Variants in HK1 observed in about 807,000 individuals in gnomAD.
HK1 encodes hexokinase 1.
In HK1, 28 loss-of-function variants were observed where a neutral mutation model predicts 91.6. The ratio of observed to expected loss-of-function variants is 0.31; its 90% CI spans 0.23 to 0.42. The LOEUF (loss-of-function observed/expected upper bound fraction) is 0.42. Ranked by LOEUF, HK1 falls within the 10% of genes least tolerant of loss-of-function variation. HK1 has a pLI of 1.00. For synonymous variants in HK1, 430 were observed against 468.1 expected, an observed-to-expected ratio of 0.92 and a Z score of 1.05; for missense variants, 770 against 1,219.8, an observed-to-expected ratio of 0.63 and a Z score of 5.49.
Position 69,386,374 on chromosome 10 carries a change from C to T in HK1, c.1891C>T (p.His631Tyr). ...KGFKATDCVG[H>Y]DVVTLLRDAI... The stretch of plus-strand genomic sequence containing the variant: ...TTTTAAGGCAACAGACTGCGTGGGC[C>T]ACGATGTAGTCACCTTACTAAGGGA... The change falls in exon 13 of 18, where the codon CAC becomes TAC. Residue 631 changes from histidine to tyrosine, a missense_variant. This residue lies in a region of HK1 where 152 missense variants were observed against 211.1 expected (regional missense o/e 0.72). Coordinates refer to ENST00000359426, the MANE Select transcript of HK1 (RefSeq NM_000188.3). 1 of 1,613,940 alleles carries T rather than the reference C, an allele frequency of 6.2e-7. No individual in the cohort carries two copies. Among genetic ancestry groups the T allele is most frequent in the Non-Finnish European group, 8.5e-7 (1 of 1,179,882 alleles).
Position 69,380,043 on chromosome 10 carries a change from A to G in HK1, c.1213A>G (p.Arg405Gly). Residue 405 changes from arginine (R) to glycine (G), a missense_variant, in exon 9 of 18, where the codon AGG becomes GGG. Coordinates refer to ENST00000359426, the MANE Select transcript of HK1 (RefSeq NM_000188.3). This position sits in a 1 kb window ranked among gnomAD's most constrained non-coding sequence, Gnocchi z 4.0. ...CCTGCGTGATAACAAGGGCACACCC[A>G]GGCTGCGGACCACGGTTGGTGTCGA... The part of the protein sequence containing the change: ...NRLRDNKGTP[R>G]LRTTVGVDGS... 6.2e-7 allele frequency: 1 copy of G among 1,614,128 alleles called. No individual in the cohort carries two copies. The highest frequency in any genetic ancestry group is 8.5e-7 in the Non-Finnish European group (1 of 1,179,990).
At chr10:69,314,530 AT>A (rs1227650185), upstream of HK1, among the ~76,000 whole-genome samples, 2 of 152,088 alleles carry the variant, frequency 1.3e-5, no homozygotes, top group Non-Finnish European at 2.9e-5. Context: ...ACTGGTCTTA[AT>A]TTTCGTTTTT....
At chr10:69,283,376 C>A (rs915602536) in intron 2 of HK1, among the ~76,000 whole-genome samples, 1 of 147,392 alleles carries the variant, frequency 6.8e-6, no homozygotes, top group Non-Finnish European at 1.5e-5. Context: ...ATCACTTGGG[C>A]GCAGGAGGTC....
chr10:69,321,232 T>C (rs1477286210), intron 1 of HK1, among the ~76,000 whole-genome samples: 1 of 152,194 alleles, frequency 6.6e-6, no homozygotes. Context: ...CTGGCTATGA[T>C]TGCGCCACCG....
chr10:69,314,072 A>T (rs1375093278), upstream of HK1, among the ~76,000 whole-genome samples: 1 of 152,196 alleles, frequency 6.6e-6, no homozygotes, highest in Admixed American at 6.5e-5. Flanking sequence ...ACTGTCTGCA[A>T]CGCTGATGGA....
chr10:69,294,701 C>CA (rs5785909), intron 3 of HK1, among the ~76,000 whole-genome samples: 16 of 151,780 alleles, frequency 1.1e-4, no homozygotes, highest in Admixed American at 8.5e-4. Flanking sequence ...ACTAAAAATA[C>CA]AAAAAAAATA....
chr10:69,331,108 G>A (rs1386329305), intron 1 of HK1, among the ~76,000 whole-genome samples: 1 of 152,082 alleles, frequency 6.6e-6, no homozygotes, highest in African/African-American at 2.4e-5. Flanking sequence ...TCGAACTCCT[G>A]GCCTCAAGTG....
chr10:69,284,654 T>A (rs1844928895), intron 2 of HK1, among the ~76,000 whole-genome samples: 1 of 152,100 alleles, frequency 6.6e-6, no homozygotes, highest in African/African-American at 2.4e-5. Context: ...TTTCCCTTTT[T>A]CTGAGACAGA....
chr10:69,280,808 T>C (rs1383000391), intron 1 of HK1, among the ~76,000 whole-genome samples: 3 of 152,238 alleles, frequency 2.0e-5, no homozygotes, highest in African/African-American at 7.2e-5. Flanking sequence ...TAATTTGTTG[T>C]AGCAGCCTGA....
chr10:69,401,105 C>T lies in HK1; in HGVS notation c.2724C>T (p.Gly908=), dbSNP rs375284444. The T allele has an allele frequency of 6.5e-4, 1,051 of 1,613,924 alleles. No individual in the cohort carries two copies. The highest frequency in any genetic ancestry group is 7.6e-4 in the Non-Finnish European group (899 of 1,180,014). Residue 908 remains glycine, a synonymous_variant, in exon 18 of 18, where the codon GGC becomes GGT. Coordinates refer to ENST00000359426, the MANE Select transcript of HK1 (RefSeq NM_000188.3). ...GGGCCGCCCTCATCACGGCCGTGGG[C>T]GTGCGGTTACGCACAGAGGCAAGCA... ...GKGAALITAV[G]VRLRTEASS is the part of the protein sequence containing the mutation.
chr10:69,379,880 C>T lies in HK1; in HGVS notation c.1050C>T (p.His350=), dbSNP rs1442052735. The change falls in exon 9 of 18, where the codon CAC becomes CAT. Residue 350 remains histidine, a synonymous_variant. Transcript: ENST00000359426. ...SAIEKNKEGL[H]NAKEILTRLG... is the part of the protein sequence containing the mutation. ...TTCACAGGAATAAGGAAGGCCTCCA[C>T]AATGCCAAAGAAATCCTGACCCGCC... 6.2e-7 allele frequency: 1 copy of T among 1,613,606 alleles called. No individual in the cohort carries two copies. Among genetic ancestry groups the T allele is most frequent in the Non-Finnish European group, 8.5e-7 (1 of 1,179,624 alleles).
At chr10:69,289,104 G>A (rs1182978180) in intron 3 of HK1, among the ~76,000 whole-genome samples, 1 of 152,128 alleles carries the variant, frequency 6.6e-6, no homozygotes, top group African/African-American at 2.4e-5. Context: ...GGGCTCACAT[G>A]TACCATAGCC....
intron 2 of HK1, among the ~76,000 whole-genome samples, chr10:69,282,857 C>T (rs1250279813): frequency 6.7e-6 from 1 of 150,052 alleles, no homozygotes; most frequent in African/African-American, 2.5e-5. Context: ...TGGCTCATGC[C>T]TATAATCCCA....
At chr10:69,318,833 CGGGGGA>C (rs1846817720), upstream of HK1, 3 of 1,456,752 alleles carry the variant, frequency 2.1e-6, no homozygotes, top group Non-Finnish European at 2.7e-6. Flanking sequence ...GGGGAGGAGC[CGGGGGA>C]GGAGGAGGAG....
Position 69,325,698 on chromosome 10 carries a change from G to A in HK1, c.63+6688G>A, listed in dbSNP as rs181046249. Among the ~76,000 whole-genome samples, 122 of 151,136 alleles carry A rather than the reference G, an allele frequency of 8.1e-4. 1 individual carries two copies. The highest frequency in any genetic ancestry group is 1.2e-4 in the Non-Finnish European group (8 of 67,798). ...ATTACAGTCGCCTGCCACCATGCCC[G>A]GCTAATTTTTGTATTTTAAATAGAG... On this transcript the variant is annotated intron_variant, in intron 1 of 17. Coordinates refer to ENST00000359426, the MANE Select transcript of HK1 (RefSeq NM_000188.3).
chr10:69,341,651 C>G (rs187175263), intron 1 of HK1, among the ~76,000 whole-genome samples: 20 of 151,874 alleles, frequency 1.3e-4, no homozygotes, highest in African/African-American at 3.6e-4. Flanking sequence ...TTTGTAGAGA[C>G]AGGGTTGTTG....
At chr10:69,330,783 T>A (rs558818306) in intron 1 of HK1, among the ~76,000 whole-genome samples, 1 of 152,118 alleles carries the variant, frequency 6.6e-6, no homozygotes, top group Non-Finnish European at 1.5e-5. Flanking sequence ...CACTATTAGA[T>A]CATATCCCCT....
chr10:69,277,543 G>A (rs554590899), intron 1 of HK1, among the ~76,000 whole-genome samples: 6 of 152,188 alleles, frequency 3.9e-5, no homozygotes, highest in South Asian at 2.1e-4. Context: ...ACTCCAGCCC[G>A]GGCGACAGAG....
chr10:69,318,884 C>A lies in HK1; in HGVS notation c.-64C>A. The A allele has an allele frequency of 6.6e-7, 1 of 1,522,856 alleles. No individual in the cohort carries two copies. Among genetic ancestry groups the A allele is most frequent in the Non-Finnish European group, 8.8e-7 (1 of 1,135,334 alleles). The allele number at this position is 1,522,856 out of a possible 1,614,324, so 94.3% of individuals were successfully genotyped here. A position where few individuals can be genotyped will look rare whatever the true frequency, so the allele number is the denominator to read the frequency against. ...CCGAGCAGCCGCCGGAGGACCACGGCTCGCCAGGGCTGCGGAGGACCGACC... is the reference window on the plus strand; with the variant it reads ...CCGAGCAGCCGCCGGAGGACCACGGATCGCCAGGGCTGCGGAGGACCGACC... On this transcript the variant is annotated 5_prime_UTR_variant, in exon 1 of 18. Coordinates refer to ENST00000359426, the MANE Select transcript of HK1 (RefSeq NM_000188.3).
Sources: allele counts gnomAD v4.1 joint callset (sites outside exome capture counted in the v4.1 genomes callset), GRCh38; gene constraint gnomAD v4.1.1; regional missense constraint gnomAD v4.1.1; non-coding constraint Gnocchi (gnomAD v3.1); transcripts MANE v1.5; gene names NCBI Gene and HGNC (gene_info 2026-07-23, HGNC 2026-07-21).